Variants in CNR1 observed in about 807,000 individuals in gnomAD.
CNR1 encodes cannabinoid receptor 1.
Under a neutral mutation model 23.0 loss-of-function variants are expected in CNR1, and 10 were observed. The observed-to-expected ratio is 0.43, with a 90% CI of 0.27 to 0.74. The LOEUF (loss-of-function observed/expected upper bound fraction) is 0.74. Ranked by LOEUF, CNR1 falls within the 30% of genes least tolerant of loss-of-function variation. The pLI, the probability that CNR1 is intolerant of heterozygous loss-of-function variation, is 0.19. For synonymous variants in CNR1, 271 were observed against 255.2 expected (o/e 1.06, Z -0.59); for missense variants, 422 against 618.8 (o/e 0.68, Z 3.37).
Position 88,140,105 on chromosome 6 carries a change from A to G in CNR1, c.*3751T>C, listed in dbSNP as rs1227407793. 1 of 152,818 alleles carries G rather than the reference A, an allele frequency of 6.5e-6. No individual in the cohort carries two copies. The highest frequency in any genetic ancestry group is 1.5e-5 in the Non-Finnish European group (1 of 68,042). 9.5% of individuals were successfully genotyped at this position (152,818 alleles called of 1,614,324 possible). ...AGTACTTGTATACAAAGTATTATACAGATTACTAACGAAGATATTGCAGTG... is the reference window on the plus strand; with the variant it reads ...AGTACTTGTATACAAAGTATTATACGGATTACTAACGAAGATATTGCAGTG... On this transcript the variant is annotated 3_prime_UTR_variant, in exon 2 of 2. Transcript: ENST00000369501.
chr6:88,144,900 C>T lies in CNR1; in HGVS notation c.375G>A (p.Thr125=), dbSNP rs760414198. The T allele has an allele frequency of 4.3e-6, 7 of 1,614,042 alleles. No individual in the cohort carries two copies. Among genetic ancestry groups the T allele is most frequent in the African/African-American group, 1.3e-5 (1 of 74,914 alleles). Residue 125 remains threonine (T), a synonymous_variant, in exon 2 of 2, where the codon ACG becomes ACA. Coordinates refer to ENST00000369501, the MANE Select transcript of CNR1 (RefSeq NM_016083.6). The surrounding 1 kb of genome is among the most constrained non-coding windows in gnomAD (Gnocchi z 7.8). The part of the protein sequence containing the change: ...QQLAIAVLSL[T]LGTFTVLENL... ...TCTCCAGGACCGTGAAGGTGCCCAG[C>T]GTGAGGGACAGGACTGCAATGGCCA...
Position 88,145,216 on chromosome 6 carries a change from A to T in CNR1, c.59T>A (p.Leu20His). The T allele has an allele frequency of 6.2e-7, 1 of 1,614,082 alleles. No homozygotes were observed. The highest frequency in any genetic ancestry group is 8.5e-7 in the Non-Finnish European group (1 of 1,180,010). The change falls in exon 2 of 2, where the codon CTC becomes CAC. Residue 20 changes from leucine to histidine, a missense_variant. Around this residue, in one of 4 missense-constraint regions of CNR1, gnomAD observed 120 missense variants for 117.6 expected, o/e 1.02. Transcript: ENST00000369501. ...DTTFRTITTDLLYVGSNDIQY... is the reference protein window; with the variant it reads ...DTTFRTITTDHLYVGSNDIQY... ...AATGTCATTTGAGCCCACGTACAGG[A>T]GGTCAGTGGTGATGGTGCGGAAGGT... is the stretch of plus-strand genomic sequence containing the variant.
intron 1 of CNR1, among the ~76,000 whole-genome samples, chr6:88,158,600 G>A (rs193112091): frequency 2.0e-5 from 3 of 152,272 alleles, no homozygotes; most frequent in Non-Finnish European, 4.4e-5. Context: ...AAAAACTCTA[G>A]GGTTGGGGTG....
intron 1 of CNR1, among the ~76,000 whole-genome samples, chr6:88,148,153 G>C (rs1381373855): frequency 6.6e-6 from 1 of 152,156 alleles, no homozygotes; most frequent in African/African-American, 2.4e-5. Flanking sequence ...CCTCAGTGCT[G>C]TTGCTCCCAT....
Position 88,142,179 on chromosome 6 carries a change from C to G in CNR1, c.*1677G>C, listed in dbSNP as rs1382487363. The G allele has an allele frequency of 6.6e-6, 1 of 152,324 alleles. No individual in the cohort carries two copies. The highest frequency in any genetic ancestry group is 1.5e-5 in the Non-Finnish European group (1 of 68,050). 9.4% of individuals were successfully genotyped at this position (152,324 alleles called of 1,614,324 possible). A position where few individuals can be genotyped will look rare whatever the true frequency, so the allele number is the denominator to read the frequency against. ...ACAGAGCTGGGTGCTCAGCTGTCAC[C>G]AAGGGCATGTGGGCAAAGCACAGAT... On this transcript the variant is annotated 3_prime_UTR_variant, in exon 2 of 2. Transcript: ENST00000369501.
chr6:88,165,018 G>A (rs1018191519), intron 1 of CNR1, among the ~76,000 whole-genome samples: 5 of 152,138 alleles, frequency 3.3e-5, no homozygotes, highest in Admixed American at 2.6e-4. Flanking sequence ...AAGATGGGAG[G>A]CAAAATGATT....
chr6:88,160,635 A>C (rs1205860633), intron 1 of CNR1, among the ~76,000 whole-genome samples: 1 of 152,074 alleles, frequency 6.6e-6, no homozygotes, highest in Non-Finnish European at 1.5e-5. Context: ...GGGTTTCACC[A>C]CGTTGGCCAG....
At chr6:88,153,082 A>G (rs1777613009) in intron 1 of CNR1, among the ~76,000 whole-genome samples, 1 of 152,252 alleles carries the variant, frequency 6.6e-6, no homozygotes, top group South Asian at 2.1e-4. Flanking sequence ...ATGACTTCAT[A>G]GTAAAGATAA....
chr6:88,160,935 T>A (rs951379731), intron 1 of CNR1, among the ~76,000 whole-genome samples: 2 of 152,230 alleles, frequency 1.3e-5, no homozygotes, highest in Middle Eastern at 6.8e-3. Flanking sequence ...AAACATAATT[T>A]CCTAATTAAT....
At chr6:88,161,990 A>G (rs1778133650) in intron 1 of CNR1, among the ~76,000 whole-genome samples, 1 of 152,238 alleles carries the variant, frequency 6.6e-6, no homozygotes, top group African/African-American at 2.4e-5. Flanking sequence ...AACTAAAAGG[A>G]TTGGCTAAAA....
chr6:88,164,434 T>A (rs776538835), intron 1 of CNR1: 52 of 152,404 alleles, frequency 3.4e-4, no homozygotes, highest in Non-Finnish European at 6.8e-4. Flanking sequence ...GTGCCTGTAG[T>A]ATGCAATGTT....
At chr6:88,161,567 C>T (rs1778109159) in intron 1 of CNR1, among the ~76,000 whole-genome samples, 2 of 152,262 alleles carry the variant, frequency 1.3e-5, no homozygotes, top group African/African-American at 2.4e-5. Flanking sequence ...AAAAAATATA[C>T]TTTTTTTCAT....
At chr6:88,160,134 C>T (rs937631484) in intron 1 of CNR1, among the ~76,000 whole-genome samples, 1 of 151,944 alleles carries the variant, frequency 6.6e-6, no homozygotes, top group South Asian at 2.1e-4. Flanking sequence ...TCAAGACCAG[C>T]GTGGCCAACA....
At position 88,144,024 on chromosome 6, in the gene CNR1, G is replaced by A. The variant is rs1269240095; in HGVS notation, c.1251C>T (p.Gly417=). 1 of 1,613,990 alleles carries A rather than the reference G, an allele frequency of 6.2e-7. No individual in the cohort carries two copies. Among genetic ancestry groups the A allele is most frequent in the African/African-American group, 1.3e-5 (1 of 74,898 alleles). ...TGCTGTTATCCAGAGGCTGCGCAGT[G>A]CCTTCACAAGAGGGAAACATGCTCC... The part of the protein sequence containing the change: ...AFRSMFPSCE[G]TAQPLDNSMG... The change falls in exon 2 of 2, where the codon GGC becomes GGT. Residue 417 remains glycine, a synonymous_variant. Transcript: ENST00000369501. The surrounding 1 kb of genome is among the most constrained non-coding windows in gnomAD (Gnocchi z 7.8).
chr6:88,159,740 G>A (rs987132124), intron 1 of CNR1, among the ~76,000 whole-genome samples: 1 of 152,118 alleles, frequency 6.6e-6, no homozygotes, highest in African/African-American at 2.4e-5. Flanking sequence ...TTTTTCACAT[G>A]CATACTGCCT....
In CNR1 at chr6:88,145,187, A is replaced by G. The variant is rs143181991; in HGVS notation, c.88T>C (p.Tyr30His). The G allele has an allele frequency of 1.2e-6, 2 of 1,614,000 alleles. No individual in the cohort carries two copies. The highest frequency in any genetic ancestry group is 2.7e-5 in the African/African-American group (2 of 74,900). The stretch of plus-strand genomic sequence containing the variant: ...GCCATGTCACCTTTGATGTCTTCGT[A>G]CTGAATGTCATTTGAGCCCACGTAC... ...LLYVGSNDIQYEDIKGDMASK... is the reference protein window; with the variant it reads ...LLYVGSNDIQHEDIKGDMASK... The change falls in exon 2 of 2, where the codon TAC becomes CAC. Residue 30 changes from tyrosine to histidine, a missense_variant. Physicochemically the swap from Tyr to His is moderately conservative, Grantham distance 83. Coordinates refer to ENST00000369501, the MANE Select transcript of CNR1 (RefSeq NM_016083.6).
In CNR1 at chr6:88,165,879, G is replaced by A. The variant is rs1202888384; in HGVS notation, c.-140C>T. On this transcript the variant is annotated 5_prime_UTR_variant, in exon 1 of 2. Transcript: ENST00000369501. ...CAGCTCAGGGGCTGGTTGTCCGCTA[G>A]AACGAAATATCCCCCACTGACTACG... 1 of 152,488 alleles carries A rather than the reference G, an allele frequency of 6.6e-6. No homozygotes were observed. The highest frequency in any genetic ancestry group is 1.5e-5 in the Non-Finnish European group (1 of 68,156). 9.4% of individuals were successfully genotyped at this position (152,488 alleles called of 1,614,324 possible).
rs747886813 is a variant in CNR1, at chr6:88,145,238, A to C, written c.37T>G (p.Phe13Val). 5.0e-6 allele frequency: 8 copies of C among 1,613,852 alleles called. No individual in the cohort carries two copies. The highest frequency in any genetic ancestry group is 3.3e-4 in the Middle Eastern group (2 of 6,084). The change falls in exon 2 of 2, where the codon TTC becomes GTC. Residue 13 changes from phenylalanine to valine, a missense_variant. By Grantham distance (50) the Phe-to-Val change is conservative. Transcript: ENST00000369501. ...SILDGLADTT[F>V]RTITTDLLYV... ...AGGAGGTCAGTGGTGATGGTGCGGA[A>C]GGTGGTATCTGCAAGGCCATCTAGG... is the stretch of plus-strand genomic sequence containing the variant.
chr6:88,146,169 G>A (rs1410164557), intron 1 of CNR1, among the ~76,000 whole-genome samples: 4 of 151,750 alleles, frequency 2.6e-5, no homozygotes, highest in Non-Finnish European at 5.9e-5. Context: ...GCAGTGGCAC[G>A]ATCTGGGCTC....
Sources: allele counts gnomAD v4.1 joint callset (sites outside exome capture counted in the v4.1 genomes callset), GRCh38; gene constraint gnomAD v4.1.1; regional missense constraint gnomAD v4.1.1; non-coding constraint Gnocchi (gnomAD v3.1); transcripts MANE v1.5; gene names NCBI Gene and HGNC (gene_info 2026-07-23, HGNC 2026-07-21).